TBC1D16: variants seen among roughly 807,000 people sequenced by gnomAD.
The protein encoded by TBC1D16 is CTD-2529O21.1.
A neutral mutation model predicts 74.7 loss-of-function variants in TBC1D16; 58 were observed. The ratio of observed to expected loss-of-function variants is 0.78; its 90% CI spans 0.63 to 0.97. The LOEUF is 0.97. Ranked by LOEUF, TBC1D16 falls within the 50% of genes least tolerant of loss-of-function variation. The probability of loss-of-function intolerance (pLI) is 0.00; values close to 1 mark genes in which losing one functional copy is unlikely to be tolerated. For synonymous variants in TBC1D16, 493 were observed against 474.7 expected (o/e 1.04, Z -0.50); for missense variants, 1,014 against 1,079.5 (o/e 0.94, Z 0.85).
intron 1 of TBC1D16, among the ~76,000 whole-genome samples, chr17:80,034,580 A>T (rs1598462032): frequency 6.6e-6 from 1 of 152,354 alleles, no homozygotes; most frequent in East Asian, 1.9e-4. Context: ...ATATGCGCAC[A>T]ATAACCACGC....
At position 79,950,581 on chromosome 17, in the gene TBC1D16, G is replaced by A. The variant is rs776320765; in HGVS notation, c.1090-3C>T. ...CATGTCTTATCGGGGGCGACCTGCT[G>A]GACGGGAGGAAAACTGGGCAAAGGT... On this transcript the variant is annotated splice_region_variant and splice_polypyrimidine_tract_variant and intron_variant, in intron 5 of 11. Transcript: ENST00000310924. This position sits in a 1 kb window ranked among gnomAD's most constrained non-coding sequence, Gnocchi z 4.6. 2 of 1,610,982 alleles carry A rather than the reference G, an allele frequency of 1.2e-6. No individual in the cohort carries two copies. The highest frequency in any genetic ancestry group is 1.1e-5 in the South Asian group (1 of 90,064).
At chr17:80,005,361 A>G (rs189457609) in intron 3 of TBC1D16, among the ~76,000 whole-genome samples, 314 of 152,304 alleles carry the variant, frequency 2.1e-3, no homozygotes, top group South Asian at 9.1e-3. Context: ...TGGACACGGT[A>G]CCAGCCCCAT....
rs2033145170 is a variant in TBC1D16 at position 79,952,822 on chromosome 17, G to A, written c.780-4C>T. On this transcript the variant is annotated splice_region_variant and splice_polypyrimidine_tract_variant and intron_variant, in intron 3 of 11. Coordinates refer to ENST00000310924, the MANE Select transcript of TBC1D16 (RefSeq NM_019020.4). The stretch of plus-strand genomic sequence containing the variant: ...GGCGTCGGAGCTGGACGGGGGGCTG[G>A]TGGAACAGGTTATGTGATGATCGCC... 3 of 1,605,016 alleles carry A rather than the reference G, an allele frequency of 1.9e-6. No homozygotes were observed. The highest frequency in any genetic ancestry group is 2.6e-6 in the Non-Finnish European group (3 of 1,175,204).
intron 8 of TBC1D16, 88 bp downstream of exon 8, chr17:79,948,784 C>T (rs184961107): frequency 6.4e-7 from 1 of 1,554,154 alleles, no homozygotes; most frequent in East Asian, 2.3e-5. Flanking sequence ...CCTGCAGAAA[C>T]TCGCTGGGGG....
At chr17:80,023,429 T>TC (rs1046188925) in intron 1 of TBC1D16, among the ~76,000 whole-genome samples, 3 of 149,598 alleles carry the variant, frequency 2.0e-5, no homozygotes, top group Admixed American at 1.3e-4. Context: ...AAGCCACAGT[T>TC]CCCCATGAGC....
rs2032775875 is a variant in TBC1D16, at chr17:79,948,741, T to C, written c.1541+131A>G. The C allele has an allele frequency of 4.0e-6, 5 of 1,239,858 alleles. No individual in the cohort carries two copies. The South Asian group carries it at 6.7e-5, about 17-fold the overall frequency. The allele number at this position is 1,239,858 out of a possible 1,614,324, so 76.8% of individuals were successfully genotyped here. A position where few individuals can be genotyped will look rare whatever the true frequency, so the allele number is the denominator to read the frequency against. On this transcript the variant is annotated intron_variant, in intron 8 of 11. Transcript: ENST00000310924. ...TCATGAGTAGCGTATCCTTCACTTC[T>C]GGGGCTTTGATGTATGAACCTGGAA... is the stretch of plus-strand genomic sequence containing the variant.
rs1023963241 is a variant in TBC1D16 at position 80,007,470 on chromosome 17, C to T, written c.779+2690G>A. 1.3e-5 allele frequency among the ~76,000 whole-genome samples: 2 copies of T among 152,178 alleles called. No individual in the cohort carries two copies. Among genetic ancestry groups the T allele is most frequent in the African/African-American group, 2.4e-5 (1 of 41,434 alleles). On this transcript the variant is annotated intron_variant, in intron 3 of 11. Transcript: ENST00000310924. This position sits in a 1 kb window ranked among gnomAD's most constrained non-coding sequence, Gnocchi z 4.5. ...CAGGACTGGAAACAGATCTGTCGGA[C>T]CCCAAAATTTACTCCTTCACCACCA...
rs568562348 is a variant in TBC1D16, at chr17:79,990,893, C to G, written c.779+19267G>C. Among the ~76,000 whole-genome samples the G allele has an allele frequency of 1.1e-4, 16 of 152,348 alleles. No homozygotes were observed. In the East Asian group the frequency reaches 2.9e-3, roughly 28 times the overall value. On this transcript the variant is annotated intron_variant, in intron 3 of 11. Coordinates refer to ENST00000310924, the MANE Select transcript of TBC1D16 (RefSeq NM_019020.4). This position sits in a 1 kb window ranked among gnomAD's most constrained non-coding sequence, Gnocchi z 4.8. ...ACTCGGCGTAACGTCCTCAACTCATCCGTGTTGCGGCGCGTGTCAGAATTG... is the reference window on the plus strand; with the variant it reads ...ACTCGGCGTAACGTCCTCAACTCATGCGTGTTGCGGCGCGTGTCAGAATTG...
chr17:80,017,056 C>T (rs2036113245), intron 1 of TBC1D16, among the ~76,000 whole-genome samples: 2 of 152,140 alleles, frequency 1.3e-5, no homozygotes, highest in Admixed American at 6.5e-5. Context: ...TCTCCAGGGC[C>T]CTCATCCACT....
At chr17:80,020,356 G>C (rs1022556774) in intron 1 of TBC1D16, among the ~76,000 whole-genome samples, 1 of 149,766 alleles carries the variant, frequency 6.7e-6, no homozygotes, top group Non-Finnish European at 1.5e-5. Context: ...GACTGAGGCG[G>C]GCGGATCACC....
At chr17:79,974,390 C>T (rs1310453943) in intron 3 of TBC1D16, among the ~76,000 whole-genome samples, 4 of 152,094 alleles carry the variant, frequency 2.6e-5, no homozygotes, top group Non-Finnish European at 4.4e-5. Context: ...AGACATACAC[C>T]ACCACGCCTG....
intron 1 of TBC1D16, among the ~76,000 whole-genome samples, chr17:80,022,707 G>C (rs908728089): frequency 6.7e-6 from 1 of 148,708 alleles, no homozygotes; most frequent in Non-Finnish European, 1.5e-5. Context: ...CACAATCTTG[G>C]CTCACTGCAA....
rs1316717168 is a variant in TBC1D16 at position 80,010,159 on chromosome 17, C to T, written c.779+1G>A. On this transcript the variant is annotated splice_donor_variant, in intron 3 of 11. Coordinates refer to ENST00000310924, the MANE Select transcript of TBC1D16 (RefSeq NM_019020.4). LOFTEE classifies it high-confidence loss of function. This position sits in a 1 kb window ranked among gnomAD's most constrained non-coding sequence, Gnocchi z 8.8. ...GCCCACGCCCAGAACCAGGAACTCA[C>T]CTGCTGTCACTTTCCAGAAACACGG... The T allele has an allele frequency of 3.5e-5, 57 of 1,607,530 alleles. No homozygotes were observed. The highest frequency in any genetic ancestry group is 4.8e-5 in the Non-Finnish European group (57 of 1,176,836).
At chr17:80,023,251 T>G (rs1158210382) in intron 1 of TBC1D16, among the ~76,000 whole-genome samples, 1 of 150,016 alleles carries the variant, frequency 6.7e-6, no homozygotes, top group Non-Finnish European at 1.5e-5. Flanking sequence ...TCACCAGATG[T>G]CCCTTCCAAA....
chr17:80,017,292 C>G (rs908836684), intron 1 of TBC1D16, among the ~76,000 whole-genome samples: 44 of 152,106 alleles, frequency 2.9e-4, no homozygotes, highest in African/African-American at 1.0e-3. Flanking sequence ...ATGACTGTGA[C>G]AGTGAAGCTT....
Position 80,010,848 on chromosome 17 carries a change from A to T in TBC1D16, c.182-91T>A. On this transcript the variant is annotated intron_variant, in intron 2 of 11. Coordinates refer to ENST00000310924, the MANE Select transcript of TBC1D16 (RefSeq NM_019020.4). This position sits in a 1 kb window ranked among gnomAD's most constrained non-coding sequence, Gnocchi z 8.8. ...CTTTGGCGAGCTGCTCGGAGAGGCCACTGCCCTTTAGTAAAGTGCCAGTCC... is the reference window on the plus strand; with the variant it reads ...CTTTGGCGAGCTGCTCGGAGAGGCCTCTGCCCTTTAGTAAAGTGCCAGTCC... The T allele has an allele frequency of 1.0e-6, 1 of 960,418 alleles. No individual in the cohort carries two copies. The allele number at this position is 960,418 out of a possible 1,614,324, so 59.5% of individuals were successfully genotyped here.
rs1385724288 is a variant in TBC1D16 at position 80,013,412 on chromosome 17, C to T, written c.136G>A (p.Val46Met). 2 of 1,608,776 alleles carry T rather than the reference C, an allele frequency of 1.2e-6. No individual in the cohort carries two copies. Among genetic ancestry groups the T allele is most frequent in the East Asian group, 2.2e-5 (1 of 44,764 alleles). ...EIIYSKNNVC[V>M]HPPEGLQGLG... ...CCCTGCAGCCCCTCCGGCGGGTGCA[C>T]GCAGACATTGTTCTTGGAGTAGATG... Residue 46 changes from valine (V) to methionine (M), a missense_variant, in exon 2 of 12, where the codon GTG (valine) becomes ATG (methionine). Val to Met is a conservative substitution (Grantham distance 21, BLOSUM62 1). Coordinates refer to ENST00000310924, the MANE Select transcript of TBC1D16 (RefSeq NM_019020.4).
Position 79,993,543 on chromosome 17 carries a change from C to T in TBC1D16, c.779+16617G>A, listed in dbSNP as rs2035153504. On this transcript the variant is annotated intron_variant, in intron 3 of 11. Coordinates refer to ENST00000310924, the MANE Select transcript of TBC1D16 (RefSeq NM_019020.4). This position sits in a 1 kb window ranked among gnomAD's most constrained non-coding sequence, Gnocchi z 5.1. Reference sequence around the variant, plus strand: ...GGGAAGGATATGAAGCCAAACAGAACCAGCTACGGGAGTCTTTCGACCGCA... The same window carrying T: ...GGGAAGGATATGAAGCCAAACAGAATCAGCTACGGGAGTCTTTCGACCGCA... 1 of 152,256 alleles carries T rather than the reference C, an allele frequency of 6.6e-6. No individual in the cohort carries two copies. Among genetic ancestry groups the T allele is most frequent in the African/African-American group, 2.4e-5 (1 of 41,462 alleles). 9.4% of individuals were successfully genotyped at this position (152,256 alleles called of 1,614,324 possible).
intron 1 of TBC1D16, among the ~76,000 whole-genome samples, chr17:80,027,433 C>CA (rs1409118483): frequency 6.6e-6 from 1 of 151,964 alleles, no homozygotes; most frequent in Non-Finnish European, 1.5e-5. Flanking sequence ...CTTGTCTCTA[C>CA]AAAAAAACTT....
Sources: gnomAD v4.1 joint callset for allele counts (sites outside exome capture counted in the v4.1 genomes callset) on GRCh38, gnomAD v4.1.1 for gene constraint, Gnocchi (gnomAD v3.1) non-coding constraint, MANE v1.5 for transcripts, NCBI Gene and HGNC (gene_info 2026-07-23, HGNC 2026-07-21) for gene names.